Variants in GPC5 observed in about 807,000 individuals in gnomAD.
The protein encoded by GPC5 is glypican-5.
A neutral mutation model predicts 53.9 loss-of-function variants in GPC5; 47 were observed. The ratio of observed to expected loss-of-function variants is 0.87; its 90% CI spans 0.69 to 1.11. The LOEUF is 1.11. Ranked by LOEUF, GPC5 falls within the 50% of genes most tolerant of loss-of-function variation. The pLI is 0.00. For missense variants in GPC5, 748 were observed against 713.1 expected (o/e 1.05, Z -0.56); for synonymous variants, 286 against 263.3 (o/e 1.09, Z -0.84).
intron 3 of GPC5, among the ~76,000 whole-genome samples, chr13:91,694,236 A>G (rs929308484): frequency 5.3e-5 from 8 of 152,232 alleles, no homozygotes; most frequent in Non-Finnish European, 1.2e-4. Flanking sequence ...AACATACAAC[A>G]TTTGAAGTAT....
intron 7 of GPC5, among the ~76,000 whole-genome samples, chr13:92,180,004 C>T (rs2042135443): frequency 6.6e-6 from 1 of 152,164 alleles, no homozygotes. Flanking sequence ...GTTTGAGTCA[C>T]AAGACAGGCA....
intron 7 of GPC5, among the ~76,000 whole-genome samples, chr13:92,276,154 A>T (rs1424404624): frequency 1.3e-5 from 2 of 152,154 alleles, no homozygotes; most frequent in Admixed American, 1.3e-4. Flanking sequence ...TTGCAAGGTT[A>T]CTTGGGCTGA....
chr13:92,427,367 G>A (rs16952638), intron 7 of GPC5, among the ~76,000 whole-genome samples: 23,188 of 149,190 alleles, frequency 0.16, 2,163 homozygotes, highest in East Asian at 0.47. Context: ...TAACTGATAC[G>A]ATTCTTATTT....
chr13:92,813,293 A>T (rs1304533890), intron 7 of GPC5, among the ~76,000 whole-genome samples: 1 of 151,950 alleles, frequency 6.6e-6, no homozygotes, highest in East Asian at 1.9e-4. Flanking sequence ...CTGCGGAGGA[A>T]TCAAAATAAT....
intron 7 of GPC5, among the ~76,000 whole-genome samples, chr13:92,745,742 C>A (rs1172884106): frequency 6.6e-6 from 1 of 152,060 alleles, no homozygotes; most frequent in African/African-American, 2.4e-5. Flanking sequence ...AATTATTTAA[C>A]AAGTAAAATA....
intron 7 of GPC5, among the ~76,000 whole-genome samples, chr13:92,519,154 C>G (rs1880921752): frequency 6.6e-6 from 1 of 152,166 alleles, no homozygotes; most frequent in African/African-American, 2.4e-5. Flanking sequence ...TACAAAGAGA[C>G]TTAGACTCCC....
chr13:92,285,800 C>A (rs2042950046), intron 7 of GPC5, among the ~76,000 whole-genome samples: 1 of 152,106 alleles, frequency 6.6e-6, no homozygotes, highest in Non-Finnish European at 1.5e-5. Context: ...AGAAGAAAAC[C>A]TAGGCAACAC....
At chr13:92,574,570 A>T (rs1329238790) in intron 7 of GPC5, among the ~76,000 whole-genome samples, 1 of 152,040 alleles carries the variant, frequency 6.6e-6, no homozygotes, top group African/African-American at 2.4e-5. Flanking sequence ...ATGATCTTTG[A>T]TTCTCTATTT....
At chr13:92,422,331 T>C (rs939749100) in intron 7 of GPC5, among the ~76,000 whole-genome samples, 4 of 152,164 alleles carry the variant, frequency 2.6e-5, no homozygotes, top group African/African-American at 9.7e-5. Context: ...AGGCAGATGT[T>C]TTCCGAATAG....
chr13:92,830,907 A>G (rs1878024425), intron 7 of GPC5, among the ~76,000 whole-genome samples: 1 of 152,126 alleles, frequency 6.6e-6, no homozygotes, highest in African/African-American at 2.4e-5. Context: ...AGAAAGAAAA[A>G]CTGCCTATTT....
intron 7 of GPC5, among the ~76,000 whole-genome samples, chr13:92,307,054 G>C (rs912307562): frequency 6.6e-6 from 1 of 152,166 alleles, no homozygotes; most frequent in Non-Finnish European, 1.5e-5. Flanking sequence ...GCCAATGAAA[G>C]ATTCACAGGA....
chr13:92,192,386 T>C (rs1026651605), intron 7 of GPC5, among the ~76,000 whole-genome samples: 21 of 152,188 alleles, frequency 1.4e-4, no homozygotes, highest in African/African-American at 5.1e-4. Flanking sequence ...TGTGAACATA[T>C]AACTGCTCTA....
intron 7 of GPC5, among the ~76,000 whole-genome samples, chr13:92,666,938 G>A (rs938366072): frequency 2.0e-5 from 3 of 152,002 alleles, no homozygotes; most frequent in Non-Finnish European, 4.4e-5. Flanking sequence ...ACTCCTTCTC[G>A]GCATTTGGTT....
chr13:92,009,592 C>A (rs900545060), intron 6 of GPC5, among the ~76,000 whole-genome samples: 3 of 152,156 alleles, frequency 2.0e-5, no homozygotes, highest in African/African-American at 4.8e-5. Context: ...TATTCAGCAA[C>A]AAAGTCTAAA....
intron 1 of GPC5, among the ~76,000 whole-genome samples, chr13:91,412,014 T>A (rs1877830637): frequency 6.6e-6 from 1 of 152,196 alleles, no homozygotes; most frequent in South Asian, 2.1e-4. Context: ...TTCCCTCCCT[T>A]CCCCACCCTT....
chr13:92,103,156 C>A (rs921162561), intron 6 of GPC5, among the ~76,000 whole-genome samples: 1 of 151,914 alleles, frequency 6.6e-6, no homozygotes. Context: ...GCCACCACAT[C>A]CTGCTTGTGA....
chr13:92,793,325 C>T (rs1294423304), intron 7 of GPC5, among the ~76,000 whole-genome samples: 5 of 152,136 alleles, frequency 3.3e-5, no homozygotes, highest in Non-Finnish European at 5.9e-5. Flanking sequence ...AAAAGATGTT[C>T]TTCGAAACCA....
intron 5 of GPC5, among the ~76,000 whole-genome samples, chr13:91,871,697 T>G (rs972144700): frequency 1.4e-5 from 2 of 139,304 alleles, no homozygotes; most frequent in African/African-American, 6.7e-5. Context: ...CAAATTAAGT[T>G]TTTTTTTTTC....
intron 6 of GPC5, among the ~76,000 whole-genome samples, chr13:92,017,100 G>A (rs1472992756): frequency 6.6e-6 from 1 of 152,116 alleles, no homozygotes; most frequent in Admixed American, 6.6e-5. Context: ...GTGGCGTGGT[G>A]GAGTTGGTGG....
Sources: allele counts gnomAD v4.1 joint callset (sites outside exome capture counted in the v4.1 genomes callset), GRCh38; gene constraint gnomAD v4.1.1; transcripts MANE v1.5; gene names NCBI Gene and HGNC (gene_info 2026-07-23, HGNC 2026-07-21).